The following CLSTN2 variants were observed in gnomAD, a reference collection of about 807,000 sequenced individuals.
CLSTN2 encodes the protein calsyntenin-2.
Under a neutral mutation model 101.2 loss-of-function variants are expected in CLSTN2, and 48 were observed. The observed-to-expected ratio is 0.47, with a 90% CI of 0.38 to 0.60. The LOEUF is 0.60. Ranked by LOEUF, CLSTN2 falls within the 20% of genes least tolerant of loss-of-function variation. The pLI, the probability that CLSTN2 is intolerant of heterozygous loss-of-function variation, is 0.00. For synonymous variants in CLSTN2, 481 were observed against 463.6 expected (o/e 1.04, Z -0.48); for missense variants, 1,160 against 1,238.2 (o/e 0.94, Z 0.95).
intron 2 of CLSTN2, among the ~76,000 whole-genome samples, chr3:140,335,884 G>A (rs1559842157): frequency 6.6e-6 from 1 of 152,138 alleles, no homozygotes; most frequent in African/African-American, 2.4e-5. Flanking sequence ...TGGAGAGGTG[G>A]AGTGTCCCTA....
chr3:140,164,280 T>G (rs1242377837), intron 1 of CLSTN2, among the ~76,000 whole-genome samples: 9 of 152,112 alleles, frequency 5.9e-5, no homozygotes. Context: ...AAGCTTAGGG[T>G]TCTGTTAGGT....
At chr3:140,156,563 G>A (rs1034520590) in intron 1 of CLSTN2, among the ~76,000 whole-genome samples, 1 of 152,228 alleles carries the variant, frequency 6.6e-6, no homozygotes, top group African/African-American at 2.4e-5. Context: ...CTGCTGGGCA[G>A]TGAAAGATCT....
At chr3:140,019,196 C>T (rs764366418) in intron 1 of CLSTN2, among the ~76,000 whole-genome samples, 1 of 152,136 alleles carries the variant, frequency 6.6e-6, no homozygotes, top group Non-Finnish European at 1.5e-5. Flanking sequence ...CTTAACTGGG[C>T]CAATTTGCTC....
chr3:140,353,242 CATATATAT>C (rs34831776), intron 2 of CLSTN2, among the ~76,000 whole-genome samples: 9 of 146,758 alleles, frequency 6.1e-5, no homozygotes, highest in South Asian at 2.2e-4. Flanking sequence ...TATGTTTACA[CATATATAT>C]ATATATATAT....
At chr3:140,486,186 C>T (rs1351647727) in intron 8 of CLSTN2, among the ~76,000 whole-genome samples, 2 of 152,014 alleles carry the variant, frequency 1.3e-5, no homozygotes, top group Admixed American at 1.3e-4. Context: ...TTACTGAAAA[C>T]TTTGGAAACC....
intron 1 of CLSTN2, among the ~76,000 whole-genome samples, chr3:139,978,046 C>G (rs1185481079): frequency 1.3e-5 from 2 of 152,126 alleles, no homozygotes; most frequent in Non-Finnish European, 2.9e-5. Context: ...CTGGGGAACC[C>G]TGTGCCAAAC....
intron 2 of CLSTN2, among the ~76,000 whole-genome samples, chr3:140,336,919 T>C (rs539333401): frequency 6.6e-6 from 1 of 151,968 alleles, no homozygotes; most frequent in African/African-American, 2.4e-5. Context: ...TATGCTCCCA[T>C]CCCGCCCCAC....
chr3:140,459,795 C>T, intron 7 of CLSTN2, 26 bp downstream of exon 7: 1 of 1,561,868 alleles, frequency 6.4e-7, no homozygotes, highest in East Asian at 2.3e-5. Context: ...AGCCCTTCCA[C>T]CCCTCCTACC....
chr3:140,101,063 G>A (rs2008958057), intron 1 of CLSTN2, among the ~76,000 whole-genome samples: 1 of 152,132 alleles, frequency 6.6e-6, no homozygotes, highest in African/African-American at 2.4e-5. Flanking sequence ...CACTGGGTGG[G>A]CCTCACTCAT....
chr3:140,490,076 G>A (rs1304666809), intron 8 of CLSTN2, among the ~76,000 whole-genome samples: 1,337 of 2,042 alleles, frequency 0.65, 440 homozygotes, highest in East Asian at 0.8. Context: ...GTGTGTGTGT[G>A]TGTGTGTGTG....
intron 4 of CLSTN2, among the ~76,000 whole-genome samples, chr3:140,413,582 C>A (rs2088391027): frequency 6.6e-6 from 1 of 152,050 alleles, no homozygotes; most frequent in Non-Finnish European, 1.5e-5. Context: ...CAAAGTCAGA[C>A]AAAGACAGTT....
At chr3:140,465,445 C>T (rs1933670260) in intron 7 of CLSTN2, among the ~76,000 whole-genome samples, 1 of 152,174 alleles carries the variant, frequency 6.6e-6, no homozygotes. Flanking sequence ...AGCCACTTGC[C>T]AACCCCTGAC....
intron 8 of CLSTN2, among the ~76,000 whole-genome samples, chr3:140,515,558 G>T (rs1387780352): frequency 6.6e-6 from 1 of 151,806 alleles, no homozygotes; most frequent in Admixed American, 6.6e-5. Context: ...AGGTTTCGAT[G>T]GGTTGTATCA....
At chr3:140,499,211 C>T (rs1934524027) in intron 8 of CLSTN2, among the ~76,000 whole-genome samples, 1 of 152,114 alleles carries the variant, frequency 6.6e-6, no homozygotes, top group Non-Finnish European at 1.5e-5. Context: ...TTCCACTAAC[C>T]CACTATGGAG....
intron 2 of CLSTN2, among the ~76,000 whole-genome samples, chr3:140,375,493 T>C (rs1441120664): frequency 6.6e-6 from 1 of 152,210 alleles, no homozygotes; most frequent in Non-Finnish European, 1.5e-5. Flanking sequence ...AGCTCTGTCT[T>C]CTTTTCCATT....
At chr3:140,090,200 G>A (rs1299773732) in intron 1 of CLSTN2, among the ~76,000 whole-genome samples, 22 of 151,006 alleles carry the variant, frequency 1.5e-4, no homozygotes, top group Admixed American at 1.4e-3. Context: ...TTATCTTGGG[G>A]GAAGCATGTC....
intron 8 of CLSTN2, among the ~76,000 whole-genome samples, chr3:140,527,195 T>C (rs563693238): frequency 6.6e-6 from 1 of 152,296 alleles, no homozygotes; most frequent in East Asian, 1.9e-4. Flanking sequence ...AACAGAATTC[T>C]AATATCCAGA....
At chr3:140,478,110 GTTTA>G (rs1934026470) in intron 8 of CLSTN2, among the ~76,000 whole-genome samples, 1 of 152,072 alleles carries the variant, frequency 6.6e-6, no homozygotes, top group Non-Finnish European at 1.5e-5. Flanking sequence ...TTATTCACTG[GTTTA>G]TTTCTTTCAC....
intron 9 of CLSTN2, 64 bp from the exon 10 acceptor site, chr3:140,546,451 G>GTA: frequency 1.3e-6 from 2 of 1,531,820 alleles, no homozygotes; most frequent in Non-Finnish European, 8.9e-7. Context: ...TGGCCAAGTG[G>GTA]TGCCTTGAGG....
Sources: allele counts gnomAD v4.1 joint callset (sites outside exome capture counted in the v4.1 genomes callset), GRCh38; gene constraint gnomAD v4.1.1; transcripts MANE v1.5; gene names NCBI Gene and HGNC (gene_info 2026-07-23, HGNC 2026-07-21).